The following SENP6 variants were observed in gnomAD, a reference collection of about 807,000 sequenced individuals.
SENP6 encodes the protein sentrin-specific protease 6.
In SENP6, 41 loss-of-function variants were observed where a neutral mutation model predicts 134.5. The ratio of observed to expected loss-of-function variants is 0.30; its 90% CI spans 0.24 to 0.40. The LOEUF is 0.40. SENP6 is among the 10% of genes least tolerant of loss of function. The probability of loss-of-function intolerance (pLI) is 1.00; values close to 1 mark genes in which losing one functional copy is unlikely to be tolerated. For missense variants in SENP6, 1,248 were observed against 1,312.5 expected (o/e 0.95, Z 0.76); for synonymous variants, 395 against 429.8 (o/e 0.92, Z 1.00).
At chr6:75,609,809 C>T (rs1248845167) in intron 1 of SENP6, among the ~76,000 whole-genome samples, 4 of 152,102 alleles carry the variant, frequency 2.6e-5, no homozygotes, top group East Asian at 1.9e-4. Context: ...GATGGAGTCT[C>T]GGCTCCGTTG....
chr6:75,699,177 A>C (rs1400781530), intron 18 of SENP6, among the ~76,000 whole-genome samples: 1 of 152,078 alleles, frequency 6.6e-6, no homozygotes, highest in African/African-American at 2.4e-5. Context: ...TTATTTGATT[A>C]TACACGATTT....
intron 9 of SENP6, among the ~76,000 whole-genome samples, chr6:75,663,951 A>G (rs1771987401): frequency 6.6e-6 from 1 of 152,088 alleles, no homozygotes; most frequent in Non-Finnish European, 1.5e-5. Flanking sequence ...TGTGTATGGC[A>G]TGCAGTCCTT....
chr6:75,706,575 G>T (rs1775419331), intron 19 of SENP6, among the ~76,000 whole-genome samples: 1 of 152,150 alleles, frequency 6.6e-6, no homozygotes, highest in Non-Finnish European at 1.5e-5. Flanking sequence ...TCCTAATGGA[G>T]ACCAAAGCCA....
intron 19 of SENP6, 105 bp downstream of exon 19, chr6:75,703,177 T>C: frequency 1.1e-6 from 1 of 951,878 alleles, no homozygotes; most frequent in Non-Finnish European, 1.6e-6. Context: ...GGTTAATGAC[T>C]GGGTGTGGTG....
At chr6:75,649,073 G>A (rs1427396624) in intron 7 of SENP6, among the ~76,000 whole-genome samples, 2 of 151,824 alleles carry the variant, frequency 1.3e-5, no homozygotes, top group Non-Finnish European at 2.9e-5. Flanking sequence ...TTACGATGTC[G>A]ATGCAGGCAA....
chr6:75,713,275 G>A (rs939009086), intron 21 of SENP6, among the ~76,000 whole-genome samples: 1 of 151,898 alleles, frequency 6.6e-6, no homozygotes, highest in Non-Finnish European at 1.5e-5. Flanking sequence ...GCTAAGATAT[G>A]GTTAAGTTAA....
At chr6:75,616,545 G>A (rs982164468) in intron 1 of SENP6, among the ~76,000 whole-genome samples, 3 of 151,916 alleles carry the variant, frequency 2.0e-5, no homozygotes, top group Non-Finnish European at 4.4e-5. Flanking sequence ...TCAGGGGTTC[G>A]AGACCAGCCT....
intron 6 of SENP6, among the ~76,000 whole-genome samples, chr6:75,643,240 T>C (rs1770164737): frequency 6.6e-6 from 1 of 152,172 alleles, no homozygotes; most frequent in African/African-American, 2.4e-5. Context: ...TATCAGTAGT[T>C]ATAATAACTG....
chr6:75,619,466 TG>T (rs1768101645), intron 1 of SENP6, among the ~76,000 whole-genome samples: 1 of 152,014 alleles, frequency 6.6e-6, no homozygotes, highest in Non-Finnish European at 1.5e-5. Context: ...TGTGTGTGTG[TG>T]TGTGTGTACA....
intron 7 of SENP6, among the ~76,000 whole-genome samples, chr6:75,652,867 G>A (rs774071558): frequency 5.3e-5 from 8 of 151,862 alleles, no homozygotes; most frequent in Non-Finnish European, 8.8e-5. Flanking sequence ...TTCATAACTG[G>A]TGAGATATCT....
At chr6:75,690,668 TTA>T (rs1192677682) in intron 16 of SENP6, among the ~76,000 whole-genome samples, 2 of 151,714 alleles carry the variant, frequency 1.3e-5, no homozygotes, top group African/African-American at 4.8e-5. Flanking sequence ...ATGATAAATT[TTA>T]TATGTTTGTT....
intron 2 of SENP6, among the ~76,000 whole-genome samples, chr6:75,623,025 A>T (rs1405112601): frequency 6.6e-6 from 1 of 152,204 alleles, no homozygotes; most frequent in Non-Finnish European, 1.5e-5. Context: ...ACCACTTTTT[A>T]AACATGTTTA....
At chr6:75,705,712 CT>C (rs1313464358) in intron 19 of SENP6, among the ~76,000 whole-genome samples, 3 of 151,014 alleles carry the variant, frequency 2.0e-5, no homozygotes, top group African/African-American at 4.9e-5. Context: ...ACTTCTTAAA[CT>C]GTGAATAGAT....
intron 1 of SENP6, among the ~76,000 whole-genome samples, chr6:75,615,252 C>T (rs1767765266): frequency 6.6e-6 from 1 of 152,014 alleles, no homozygotes; most frequent in African/African-American, 2.4e-5. Flanking sequence ...ATGATCTCAG[C>T]TCACTCAACC....
chr6:75,696,825 A>G (rs1041471005), intron 17 of SENP6, among the ~76,000 whole-genome samples: 44 of 152,262 alleles, frequency 2.9e-4, no homozygotes, highest in African/African-American at 9.9e-4. Flanking sequence ...TAGCTCTGAT[A>G]ATTTGCTGGT....
chr6:75,651,233 G>A (rs1770836770), intron 7 of SENP6, among the ~76,000 whole-genome samples: 1 of 151,172 alleles, frequency 6.6e-6, no homozygotes, highest in South Asian at 2.1e-4. Flanking sequence ...TTGTATCCTT[G>A]TTAGAGAGAA....
chr6:75,666,938 C>T lies in SENP6; in HGVS notation c.1221C>T (p.Asp407=), dbSNP rs1452378166. 3.8e-6 allele frequency: 6 copies of T among 1,589,544 alleles called. No homozygotes were observed. In the Admixed American group the frequency reaches 8.4e-5, roughly 22 times the overall value. ...VTLPRKARMK[D]QFGNSIINTP... ...TGCCAAGAAAAGCAAGAATGAAAGA[C>T]CAGGTACTTTTCACTTTTGTTGACA... is the stretch of plus-strand genomic sequence containing the variant. Residue 407 remains aspartate (D), a synonymous_variant, in exon 10 of 24, where the codon GAC becomes GAT. Transcript: ENST00000447266.
intron 19 of SENP6, 72 bp downstream of exon 19, chr6:75,703,144 G>T: frequency 8.0e-7 from 1 of 1,250,406 alleles, no homozygotes; most frequent in Non-Finnish European, 1.1e-6. Context: ...ACAGGATTAA[G>T]ATCCTGTTTT....
intron 8 of SENP6, among the ~76,000 whole-genome samples, chr6:75,662,049 T>C (rs1216879481): frequency 1.3e-5 from 2 of 151,162 alleles, no homozygotes; most frequent in Non-Finnish European, 2.9e-5. Context: ...TGAATCTCCT[T>C]CTCAAAATAA....
Sources: gnomAD v4.1 joint callset for allele counts (sites outside exome capture counted in the v4.1 genomes callset) on GRCh38, gnomAD v4.1.1 for gene constraint, MANE v1.5 for transcripts, NCBI Gene and HGNC (gene_info 2026-07-23, HGNC 2026-07-21) for gene names.